The following FAM120B variants were observed in gnomAD, a reference collection of about 807,000 sequenced individuals.
The protein encoded by FAM120B is family with sequence similarity 120 member B.
Under a neutral mutation model 96.3 loss-of-function variants are expected in FAM120B, and 83 were observed. The ratio of observed to expected loss-of-function variants is 0.86; its 90% CI spans 0.72 to 1.03. FAM120B has a LOEUF of 1.03. Among genes scored for constraint, FAM120B ranks in the 50% least tolerant of loss-of-function variants. The pLI is 0.00. For missense variants in FAM120B, 1,027 were observed against 1,121.2 expected (o/e 0.92, Z 1.20); for synonymous variants, 407 against 402.7 (o/e 1.01, Z -0.13).
Position 170,318,250 on chromosome 6 carries a change from T to TA in FAM120B, c.861dup (p.Leu288IlefsTer12). On this transcript the variant is annotated frameshift_variant, in exon 2 of 11. Coordinates refer to ENST00000476287, the MANE Select transcript of FAM120B (RefSeq NM_032448.3). LOFTEE classifies it high-confidence loss of function. ...CAAGGTGAGAAAAAATTAGAAGAGA[T>TA]ATTACCTCTGGGACCAAACAAAGCT... 1 of 1,613,960 alleles carries TA rather than the reference T, an allele frequency of 6.2e-7. No individual in the cohort carries two copies. The highest frequency in any genetic ancestry group is 8.5e-7 in the Non-Finnish European group (1 of 1,179,988).
rs140407503 is a variant in FAM120B at position 170,330,507 on chromosome 6, G to C, written c.1974G>C (p.Leu658=). The C allele has an allele frequency of 3.0e-4, 478 of 1,614,162 alleles. 5 individuals carry two copies. In the East Asian group the frequency reaches 0.011, roughly 36 times the overall value. The change falls in exon 4 of 11, where the codon CTG becomes CTC. Residue 658 remains leucine, a synonymous_variant. Coordinates refer to ENST00000476287, the MANE Select transcript of FAM120B (RefSeq NM_032448.3). Reference sequence around the variant, plus strand: ...GGTTTGTGTATCCTGGGAACCCACTGAGGCACCCGGACCTCGTCAGGCCGC... The same window carrying C: ...GGTTTGTGTATCCTGGGAACCCACTCAGGCACCCGGACCTCGTCAGGCCGC... The part of the protein sequence containing the change: ...KEWFVYPGNP[L]RHPDLVRPLQ...
chr6:170,350,416 C>T (rs1023020925), intron 5 of FAM120B, among the ~76,000 whole-genome samples: 1 of 152,186 alleles, frequency 6.6e-6, no homozygotes, highest in Non-Finnish European at 1.5e-5. Flanking sequence ...GGGAGGGTCC[C>T]CCATCTCCAG....
intron 6 of FAM120B, among the ~76,000 whole-genome samples, chr6:170,368,178 C>T (rs1788921634): frequency 6.6e-6 from 1 of 152,098 alleles, no homozygotes; most frequent in Non-Finnish European, 1.5e-5. Flanking sequence ...TCTTATAGAC[C>T]AGGGTTTTAG....
At chr6:170,341,264 C>T (rs567179278) in intron 4 of FAM120B, among the ~76,000 whole-genome samples, 19 of 152,314 alleles carry the variant, frequency 1.2e-4, no homozygotes, top group South Asian at 8.3e-4. Context: ...TGGTGAGTTC[C>T]GCCCAGTCCA....
chr6:170,346,191 T>C (rs960313081), intron 4 of FAM120B, among the ~76,000 whole-genome samples: 1 of 152,224 alleles, frequency 6.6e-6, no homozygotes, highest in African/African-American at 2.4e-5. Context: ...ATGAATCTTT[T>C]TTTTTTTGTA....
At chr6:170,381,428 G>T (rs1789894278) in intron 6 of FAM120B, among the ~76,000 whole-genome samples, 1 of 152,112 alleles carries the variant, frequency 6.6e-6, no homozygotes, top group Non-Finnish European at 1.5e-5. Flanking sequence ...TAGCCCAGAG[G>T]TGTCACTCGG....
intron 1 of FAM120B, among the ~76,000 whole-genome samples, chr6:170,315,023 G>A (rs909949934): frequency 5.3e-5 from 8 of 152,226 alleles, no homozygotes; most frequent in African/African-American, 1.9e-4. Flanking sequence ...TGGGCGTGCG[G>A]TGAACCCTAG....
intron 9 of FAM120B, among the ~76,000 whole-genome samples, chr6:170,397,586 G>A (rs1216832866): frequency 6.6e-6 from 1 of 152,132 alleles, no homozygotes; most frequent in Non-Finnish European, 1.5e-5. Context: ...CCGCAGAAAT[G>A]CTCAAGGTCT....
intron 4 of FAM120B, among the ~76,000 whole-genome samples, chr6:170,344,311 A>T (rs13212983): frequency 1.3e-4 from 16 of 122,584 alleles, no homozygotes; most frequent in African/African-American, 4.9e-4. Flanking sequence ...CTAGCCTCTC[A>T]CTGGTTCCTG....
At position 170,317,379 on chromosome 6, in the gene FAM120B, C is replaced by T. The variant is rs766836786; in HGVS notation, c.-12C>T. On this transcript the variant is annotated 5_prime_UTR_variant, in exon 2 of 11. Coordinates refer to ENST00000476287, the MANE Select transcript of FAM120B (RefSeq NM_032448.3). Reference sequence around the variant, plus strand: ...TTATCTTTCTTTCCAGATCCTTTCCCGGAGTTCAGTTATGGGTGTGAGAGG... The same window carrying T: ...TTATCTTTCTTTCCAGATCCTTTCCTGGAGTTCAGTTATGGGTGTGAGAGG... 8.8e-6 allele frequency: 14 copies of T among 1,595,090 alleles called. No homozygotes were observed. In the East Asian group the frequency reaches 1.1e-4, roughly 13 times the overall value.
chr6:170,335,112 C>T lies in FAM120B; in HGVS notation c.2017+4562C>T, dbSNP rs1490709378. ...CTTGCAGGATTGTTACAGAGGTATA[C>T]ATGTGCCATTGTGGTTTGTTGCACC... On this transcript the variant is annotated intron_variant, in intron 4 of 10. Coordinates refer to ENST00000476287, the MANE Select transcript of FAM120B (RefSeq NM_032448.3). Among the ~76,000 whole-genome samples the T allele has an allele frequency of 5.3e-5, 8 of 150,232 alleles. No individual in the cohort carries two copies. The South Asian group carries it at 8.5e-4, about 16-fold the overall frequency.
intron 6 of FAM120B, among the ~76,000 whole-genome samples, chr6:170,377,229 T>A (rs1449299887): frequency 2.9e-5 from 3 of 102,284 alleles, no homozygotes; most frequent in African/African-American, 9.5e-5. Context: ...TGCACACGCG[T>A]CCCTAATCCC....
intron 1 of FAM120B, among the ~76,000 whole-genome samples, chr6:170,298,913 G>C (rs577957130): frequency 4.6e-5 from 7 of 152,330 alleles, no homozygotes; most frequent in African/African-American, 1.7e-4. Context: ...CACTGACTTA[G>C]AGCTGGTGGG....
chr6:170,339,806 G>T (rs1173994640), intron 4 of FAM120B, among the ~76,000 whole-genome samples: 1 of 151,438 alleles, frequency 6.6e-6, no homozygotes, highest in African/African-American at 2.4e-5. Flanking sequence ...AAGAATGTTG[G>T]ACATTGGCCC....
At chr6:170,308,434 C>G (rs1428429362) in intron 1 of FAM120B, among the ~76,000 whole-genome samples, 2 of 152,102 alleles carry the variant, frequency 1.3e-5, no homozygotes, top group African/African-American at 2.4e-5. Flanking sequence ...CTCTGATCAC[C>G]TGTGGCCCAC....
chr6:170,316,058 C>CAAAAAA (rs35344814), intron 1 of FAM120B, among the ~76,000 whole-genome samples: 5 of 91,824 alleles, frequency 5.4e-5, no homozygotes, highest in East Asian at 3.1e-4. Flanking sequence ...GACCCGGTCT[C>CAAAAAA]AAAAAAAAAA....
In FAM120B at chr6:170,295,628, C is replaced by T. The variant is rs1274277638; in HGVS notation, c.48+175C>T. Among the ~76,000 whole-genome samples, 1 of 152,198 alleles carries T rather than the reference C, an allele frequency of 6.6e-6. No individual in the cohort carries two copies. The highest frequency in any genetic ancestry group is 1.5e-5 in the Non-Finnish European group (1 of 68,026). ...CAGCCCCGCAGCGGCTCCTAAGCCT[C>T]CCCGCTGGCCGCGGCTGCGCCGCTG... On this transcript the variant is annotated intron_variant, in intron 1 of 10. Transcript: ENST00000537664. The surrounding 1 kb of genome is among the most constrained non-coding windows in gnomAD (Gnocchi z 7.8).
chr6:170,298,451 A>G (rs1784069922), intron 1 of FAM120B: 1 of 152,128 alleles, frequency 6.6e-6, no homozygotes, highest in South Asian at 2.1e-4. Flanking sequence ...CACCACTTCC[A>G]ATGAGGAAAC....
chr6:170,368,384 C>G (rs1421830247), intron 6 of FAM120B, among the ~76,000 whole-genome samples: 1 of 152,162 alleles, frequency 6.6e-6, no homozygotes, highest in Non-Finnish European at 1.5e-5. Context: ...CATAAAAGAT[C>G]TTTACTCAGT....
Sources: allele counts gnomAD v4.1 joint callset (sites outside exome capture counted in the v4.1 genomes callset), GRCh38; gene constraint gnomAD v4.1.1; non-coding constraint Gnocchi (gnomAD v3.1); transcripts MANE v1.5; gene names NCBI Gene and HGNC (gene_info 2026-07-23, HGNC 2026-07-21).